Variants in LRRC4C observed in about 807,000 individuals in gnomAD.
LRRC4C encodes the protein leucine-rich repeat-containing protein 4C.
LRRC4C carries 5 observed loss-of-function variants against 33.6 expected under a neutral mutation model. That is an observed-to-expected ratio of 0.15 (90% CI 0.08 to 0.31). The LOEUF (loss-of-function observed/expected upper bound fraction) is 0.31, where lower values mean the gene tolerates loss of function less well. Ranked by LOEUF, LRRC4C falls within the 10% of genes least tolerant of loss-of-function variation. The pLI, the probability that LRRC4C is intolerant of heterozygous loss-of-function variation, is 1.00. For missense variants in LRRC4C, 560 were observed against 796.7 expected (o/e 0.70, Z 3.58); for synonymous variants, 329 against 302.0 (o/e 1.09, Z -0.93).
At chr11:40,593,085 C>G (rs1959131228) in intron 3 of LRRC4C, among the ~76,000 whole-genome samples, 1 of 152,134 alleles carries the variant, frequency 6.6e-6, no homozygotes, top group African/African-American at 2.4e-5. Context: ...CCAAGCACAG[C>G]CTCTGCAGCT....
intron 2 of LRRC4C, among the ~76,000 whole-genome samples, chr11:40,768,355 G>A (rs539566533): frequency 3.3e-5 from 5 of 152,090 alleles, no homozygotes; most frequent in Admixed American, 3.3e-4. Flanking sequence ...CTTGGGACCT[G>A]GTGGTTTCAC....
chr11:40,938,288 C>G (rs762718724), intron 1 of LRRC4C, among the ~76,000 whole-genome samples: 6 of 151,970 alleles, frequency 3.9e-5, no homozygotes, highest in African/African-American at 1.2e-4. Context: ...ATGAGTGCAC[C>G]GCAATGATTC....
intron 3 of LRRC4C, among the ~76,000 whole-genome samples, chr11:40,339,319 T>C (rs1946764310): frequency 6.6e-6 from 1 of 152,156 alleles, no homozygotes; most frequent in Non-Finnish European, 1.5e-5. Context: ...AAAAATAGCA[T>C]GGGTTATAGA....
intron 3 of LRRC4C, among the ~76,000 whole-genome samples, chr11:40,589,910 A>G (rs1229154009): frequency 1.3e-5 from 2 of 148,882 alleles, no homozygotes; most frequent in Non-Finnish European, 3.0e-5. Flanking sequence ...TGCCCTTAAC[A>G]TTTTTTCCTT....
intron 2 of LRRC4C, among the ~76,000 whole-genome samples, chr11:40,789,780 A>T (rs1950554717): frequency 6.6e-6 from 1 of 152,210 alleles, no homozygotes; most frequent in Non-Finnish European, 1.5e-5. Context: ...GTAATGAAGA[A>T]TACAAGCAAA....
chr11:40,828,600 G>A (rs1952269467), intron 2 of LRRC4C, among the ~76,000 whole-genome samples: 1 of 151,826 alleles, frequency 6.6e-6, no homozygotes, highest in Admixed American at 6.6e-5. Context: ...TCATACAAAT[G>A]TGTCCTACCA....
chr11:41,169,889 A>G (rs1005631168), intron 1 of LRRC4C, among the ~76,000 whole-genome samples: 1 of 152,186 alleles, frequency 6.6e-6, no homozygotes, highest in East Asian at 1.9e-4. Flanking sequence ...TCACTGGATA[A>G]GATGAAAATG....
At chr11:40,444,720 A>C (rs7114350) in intron 3 of LRRC4C, among the ~76,000 whole-genome samples, 54,877 of 152,014 alleles carry the variant, frequency 0.36, 10,604 homozygotes, top group East Asian at 0.53. Flanking sequence ...AATAAACTAA[A>C]TTGCTGTTAA....
chr11:40,302,548 C>G (rs944633124), intron 4 of LRRC4C, among the ~76,000 whole-genome samples: 4 of 151,516 alleles, frequency 2.6e-5, no homozygotes, highest in Non-Finnish European at 4.4e-5. Context: ...TTTTTTATTC[C>G]TTTATAATAG....
At position 40,655,179 on chromosome 11, in the gene LRRC4C, A is replaced by G. The variant is rs541688003; in HGVS notation, c.-406-6901T>C. ...TTATTTATTCATTTAGCTGATCTGAAGATTTATCTGAATTCATTTTCACAT... is the reference window on the plus strand; with the variant it reads ...TTATTTATTCATTTAGCTGATCTGAGGATTTATCTGAATTCATTTTCACAT... On this transcript the variant is annotated intron_variant, in intron 2 of 6. Transcript: ENST00000528697. Among the ~76,000 whole-genome samples the G allele has an allele frequency of 5.3e-5, 8 of 152,290 alleles. No individual in the cohort carries two copies. In the South Asian group the frequency reaches 1.7e-3, roughly 32 times the overall value.
chr11:41,444,050 A>G (rs1276417259), intron 1 of LRRC4C, among the ~76,000 whole-genome samples: 1 of 152,174 alleles, frequency 6.6e-6, no homozygotes, highest in African/African-American at 2.4e-5. Context: ...TTAGTGGAAC[A>G]CAGGTAAATT....
intron 2 of LRRC4C, among the ~76,000 whole-genome samples, chr11:40,751,173 G>A (rs1195480814): frequency 6.6e-6 from 1 of 152,064 alleles, no homozygotes; most frequent in Admixed American, 6.6e-5. Flanking sequence ...AATCAAGGGG[G>A]AAAAGTTGGA....
At chr11:41,087,624 C>T (rs115863646) in intron 1 of LRRC4C, among the ~76,000 whole-genome samples, 1,778 of 152,188 alleles carry the variant, frequency 0.012, 41 homozygotes, top group African/African-American at 0.041. Context: ...CCACTACTCC[C>T]ATTAATTATG....
In LRRC4C at chr11:40,329,932, G is replaced by T. The variant is rs530587260; in HGVS notation, c.-269-10211C>A. 2.0e-4 allele frequency among the ~76,000 whole-genome samples: 31 copies of T among 151,914 alleles called. 1 individual carries two copies. In the South Asian group the frequency reaches 5.8e-3, roughly 29 times the overall value. Reference sequence around the variant, plus strand: ...AATTTTTTGTATTTTTGGTAGAGATGGGGTTTCACTGTGTTAGCCAGGATG... The same window carrying T: ...AATTTTTTGTATTTTTGGTAGAGATTGGGTTTCACTGTGTTAGCCAGGATG... On this transcript the variant is annotated intron_variant, in intron 3 of 6. Transcript: ENST00000528697.
At chr11:41,275,327 C>T (rs1033216222) in intron 1 of LRRC4C, among the ~76,000 whole-genome samples, 11 of 152,124 alleles carry the variant, frequency 7.2e-5, no homozygotes, top group Non-Finnish European at 4.4e-5. Flanking sequence ...AGATGATGCC[C>T]AGATTTTTGG....
At chr11:40,680,749 C>T (rs190996314) in intron 2 of LRRC4C, among the ~76,000 whole-genome samples, 1 of 152,130 alleles carries the variant, frequency 6.6e-6, no homozygotes, top group African/African-American at 2.4e-5. Flanking sequence ...TGCCCAATCT[C>T]AGGTATGTCT....
At chr11:40,831,037 T>C (rs565337435) in intron 2 of LRRC4C, among the ~76,000 whole-genome samples, 25 of 152,128 alleles carry the variant, frequency 1.6e-4, no homozygotes, top group Non-Finnish European at 3.5e-4. Flanking sequence ...ACTGATACTT[T>C]ACTTAGTTGT....
At chr11:40,395,325 A>T (rs1590597232) in intron 3 of LRRC4C, among the ~76,000 whole-genome samples, 2 of 152,224 alleles carry the variant, frequency 1.3e-5, no homozygotes, top group East Asian at 3.9e-4. Context: ...AGATCCTGTG[A>T]AGCGTAACTC....
At chr11:40,138,074 A>T (rs1857106547) in intron 6 of LRRC4C, among the ~76,000 whole-genome samples, 1 of 152,160 alleles carries the variant, frequency 6.6e-6, no homozygotes, top group Non-Finnish European at 1.5e-5. Flanking sequence ...AACCCAAATC[A>T]CACAATTAGT....
Sources: gnomAD v4.1 joint callset for allele counts (sites outside exome capture counted in the v4.1 genomes callset) on GRCh38, gnomAD v4.1.1 for gene constraint, MANE v1.5 for transcripts, NCBI Gene and HGNC (gene_info 2026-07-23, HGNC 2026-07-21) for gene names.